Variants in CATSPERG observed in about 807,000 individuals in gnomAD.
The protein encoded by CATSPERG is catsper channel auxiliary subunit gamma.
A neutral mutation model predicts 145.0 loss-of-function variants in CATSPERG; 115 were observed. The observed-to-expected ratio is 0.79, with a 90% CI of 0.68 to 0.93. The LOEUF (loss-of-function observed/expected upper bound fraction) is 0.93, where lower values mean the gene tolerates loss of function less well. Among genes scored for constraint, CATSPERG ranks in the 40% least tolerant of loss-of-function variants. The probability of loss-of-function intolerance (pLI) is 0.00; values close to 1 mark genes in which losing one functional copy is unlikely to be tolerated. For synonymous variants in CATSPERG, 588 were observed against 589.0 expected, an observed-to-expected ratio of 1.00 and a Z score of 0.02; for missense variants, 1,296 against 1,490.1, an observed-to-expected ratio of 0.87 and a Z score of 2.14.
intron 4 of CATSPERG, 67 bp downstream of exon 4, chr19:38,343,791 T>G: frequency 1.3e-6 from 2 of 1,502,192 alleles, no homozygotes; most frequent in Non-Finnish European, 1.8e-6. Context: ...GGGGCCTCTG[T>G]GGGGCCATGA....
intron 22 of CATSPERG, chr19:38,365,698 G>GT (rs142942535): frequency 0.034 from 5,014 of 145,752 alleles, 120 homozygotes; most frequent in South Asian, 0.05. Context: ...CAACAGGGCC[G>GT]TTTTTTTTTT....
At chr19:38,359,872 C>T (rs935865825) in intron 14 of CATSPERG, 2 of 1,140,166 alleles carry the variant, frequency 1.8e-6, no homozygotes, top group Admixed American at 4.0e-5. Context: ...GTGCCTGCCC[C>T]CGTGCTGGAG....
chr19:38,361,485 G>T (rs1253533981), intron 16 of CATSPERG, among the ~76,000 whole-genome samples, 163 bp from the exon 17 acceptor site: 1 of 151,960 alleles, frequency 6.6e-6, no homozygotes, highest in Non-Finnish European at 1.5e-5. Context: ...ACGTCCGAGG[G>T]GATGTGTGCA....
rs1422540584 is a variant in CATSPERG at position 38,344,291 on chromosome 19, G to A, written c.597-5G>A. 1 of 1,551,642 alleles carries A rather than the reference G, an allele frequency of 6.4e-7. No individual in the cohort carries two copies. The highest frequency in any genetic ancestry group is 2.4e-5 in the East Asian group (1 of 40,922). On this transcript the variant is annotated splice_polypyrimidine_tract_variant and splice_region_variant and intron_variant, in intron 5 of 28. Transcript: ENST00000409235. Reference sequence around the variant, plus strand: ...CACCTGCGCCTATTCTGCACCTGCTGCTAGGTTCCAGATGAATATCAACGG... The same window carrying A: ...CACCTGCGCCTATTCTGCACCTGCTACTAGGTTCCAGATGAATATCAACGG...
chr19:38,336,303 C>G, intron 1 of CATSPERG: 1 of 427,402 alleles, frequency 2.3e-6, no homozygotes, highest in South Asian at 1.6e-5. Flanking sequence ...GGCGAAGAGA[C>G]AGTTTTCATC....
chr19:38,362,573 C>T lies in CATSPERG; in HGVS notation c.2355C>T (p.Leu785=). 6.2e-7 allele frequency: 1 copy of T among 1,613,468 alleles called. No homozygotes were observed. Residue 785 remains leucine, a splice_region_variant and synonymous_variant, in exon 19 of 29, where the codon CTC becomes CTT. Transcript: ENST00000409235. ...QGHSFRTQSE[L]GTAFQLHSQV... is the part of the protein sequence containing the mutation. ...ACTCGTTCCGGACGCAGTCAGAACT[C>T]GGTCTGCGCGGGACCAGAGTGGAGC...
chr19:38,360,204 G>T, intron 14 of CATSPERG: 1 of 985,402 alleles, frequency 1.0e-6, no homozygotes. Flanking sequence ...GGGAGTGTGT[G>T]TGTTAGAGAT....
At chr19:38,367,991 C>CAT in intron 25 of CATSPERG, 57 bp from the exon 26 acceptor site, 1 of 1,515,398 alleles carries the variant, frequency 6.6e-7, no homozygotes. Flanking sequence ...CCACTGAGGT[C>CAT]ATACCTCCCC....
At chr19:38,354,415 G>A (rs1970207613) in intron 8 of CATSPERG, among the ~76,000 whole-genome samples, 1 of 152,190 alleles carries the variant, frequency 6.6e-6, no homozygotes, top group African/African-American at 2.4e-5. Flanking sequence ...GTTGCGGATT[G>A]CAAGCTGATA....
intron 3 of CATSPERG, 102 bp from the exon 4 acceptor site, chr19:38,343,478 C>A: frequency 1.9e-6 from 2 of 1,052,258 alleles, no homozygotes; most frequent in Non-Finnish European, 2.7e-6. Context: ...CAGTGTGCTG[C>A]CCCCGGACAG....
At chr19:38,336,290 C>G in intron 1 of CATSPERG, 1 of 436,966 alleles carries the variant, frequency 2.3e-6, no homozygotes, top group South Asian at 1.6e-5. Context: ...GGAAAGATCC[C>G]GAGGCGAAGA....
chr19:38,363,227 A>C (rs1600480080), intron 20 of CATSPERG, among the ~76,000 whole-genome samples: 1 of 152,020 alleles, frequency 6.6e-6, no homozygotes, highest in African/African-American at 2.4e-5. Context: ...ATTAGTAGCG[A>C]TGGGGTTTTA....
At position 38,359,587 on chromosome 19, in the gene CATSPERG, C is replaced by G; in HGVS notation, c.1608+6C>G. 6.2e-7 allele frequency: 1 copy of G among 1,608,648 alleles called. No homozygotes were observed. Among genetic ancestry groups the G allele is most frequent in the Non-Finnish European group, 8.5e-7 (1 of 1,177,244 alleles). On this transcript the variant is annotated splice_donor_region_variant and intron_variant, in intron 14 of 28. Coordinates refer to ENST00000409235, the MANE Select transcript of CATSPERG (RefSeq NM_021185.5). ...TTGTCACAGAGACGGAGGAGGTGGG[C>G]TGCCCCGCCCCTCTCCCCGTTCCCT...
chr19:38,336,593 G>A (rs1373054515), intron 1 of CATSPERG: 1 of 260,296 alleles, frequency 3.8e-6, no homozygotes, highest in East Asian at 1.1e-4. Context: ...CCAGCCCCTG[G>A]GCAGACCCCG....
chr19:38,344,467 C>A, intron 6 of CATSPERG, 99 bp downstream of exon 6: 1 of 1,001,430 alleles, frequency 1.0e-6, no homozygotes. Context: ...TAGGGAGCAC[C>A]AACTTCATGC....
At chr19:38,369,872 C>T (rs1970516022) in intron 26 of CATSPERG, 100 bp from the exon 27 acceptor site, 1 of 1,039,478 alleles carries the variant, frequency 9.6e-7, no homozygotes, top group Non-Finnish European at 1.5e-6. Context: ...AGATTGCACC[C>T]ATTTGGTCCT....
chr19:38,344,469 A>G (rs1051641714), intron 6 of CATSPERG, 101 bp downstream of exon 6: 11 of 985,570 alleles, frequency 1.1e-5, no homozygotes, highest in Non-Finnish European at 1.6e-5. Flanking sequence ...GGGAGCACCA[A>G]CTTCATGCCA....
intron 6 of CATSPERG, among the ~76,000 whole-genome samples, chr19:38,346,048 G>C (rs1178217352): frequency 6.6e-6 from 1 of 152,212 alleles, no homozygotes; most frequent in Non-Finnish European, 1.5e-5. Flanking sequence ...AAGCGCTCTG[G>C]AGAGAAATGG....
chr19:38,344,899 ATATTT>A (rs1970011276), intron 6 of CATSPERG, among the ~76,000 whole-genome samples: 6 of 93,098 alleles, frequency 6.4e-5, no homozygotes, highest in African/African-American at 1.6e-4. Context: ...ATATATATAT[ATATTT>A]TTTTTTTTTT....
Sources: allele counts gnomAD v4.1 joint callset (sites outside exome capture counted in the v4.1 genomes callset), GRCh38; gene constraint gnomAD v4.1.1; transcripts MANE v1.5; gene names NCBI Gene and HGNC (gene_info 2026-07-23, HGNC 2026-07-21).